LRMDA: variants seen among roughly 807,000 people sequenced by gnomAD.
LRMDA encodes the protein leucine-rich melanocyte differentiation-associated protein.
In LRMDA, 18 loss-of-function variants were observed where a neutral mutation model predicts 29.8. The observed-to-expected ratio is 0.60, with a 90% CI of 0.42 to 0.90. The LOEUF is 0.90. LRMDA is among the 40% of genes least tolerant of loss of function. The pLI, the probability that LRMDA is intolerant of heterozygous loss-of-function variation, is 0.00. For synonymous variants in LRMDA, 125 were observed against 109.4 expected (o/e 1.14, Z -0.89); for missense variants, 273 against 273.9 (o/e 1.00, Z 0.02).
chr10:75,992,640 T>C (rs951278567), intron 2 of LRMDA, among the ~76,000 whole-genome samples: 6 of 152,272 alleles, frequency 3.9e-5, no homozygotes, highest in African/African-American at 4.8e-5. Context: ...AGGGACAACC[T>C]TTCCCCCTAA....
intron 6 of LRMDA, among the ~76,000 whole-genome samples, chr10:76,542,271 A>T (rs1293869019): frequency 6.6e-6 from 1 of 152,178 alleles, no homozygotes; most frequent in Non-Finnish European, 1.5e-5. Context: ...TATAGCTTTT[A>T]TATTTTATGT....
chr10:75,905,133 G>A (rs1246709351), intron 2 of LRMDA, among the ~76,000 whole-genome samples: 2 of 152,052 alleles, frequency 1.3e-5, no homozygotes, highest in East Asian at 1.9e-4. Context: ...TGTTTTACTC[G>A]GCTATCTGAT....
chr10:76,031,138 G>T (rs1474542540), intron 2 of LRMDA, among the ~76,000 whole-genome samples: 2 of 152,234 alleles, frequency 1.3e-5, no homozygotes, highest in Non-Finnish European at 2.9e-5. Context: ...CTGGGCTGTA[G>T]TGGGCATTGG....
intron 5 of LRMDA, among the ~76,000 whole-genome samples, chr10:76,275,789 T>C (rs1840123867): frequency 6.6e-6 from 1 of 152,162 alleles, no homozygotes; most frequent in Non-Finnish European, 1.5e-5. Flanking sequence ...CAGTATTTCT[T>C]TAAATACTTT....
rs529893152 is a variant in LRMDA at position 75,683,752 on chromosome 10, T to C, written c.131+245258T>C. Among the ~76,000 whole-genome samples, 407 of 152,346 alleles carry C rather than the reference T, an allele frequency of 2.7e-3. 1 individual carries two copies. The highest frequency in any genetic ancestry group is 4.7e-3 in the Non-Finnish European group (317 of 68,042). On this transcript the variant is annotated intron_variant, in intron 2 of 6. Transcript: ENST00000611255. ...TGGAGGAGATCTGCTCTGGATAGCC[T>C]TGGCTTGGCAAAGAGACTTAAGCAG...
intron 6 of LRMDA, among the ~76,000 whole-genome samples, chr10:76,402,889 T>A (rs972265959): frequency 6.6e-6 from 1 of 152,100 alleles, no homozygotes; most frequent in African/African-American, 2.4e-5. Context: ...CTTACAAGGA[T>A]GTAAATAATC....
At chr10:75,876,958 A>G (rs962177949) in intron 2 of LRMDA, among the ~76,000 whole-genome samples, 1 of 152,156 alleles carries the variant, frequency 6.6e-6, no homozygotes. Flanking sequence ...TGCTTTTCTA[A>G]CAAGTTCCTA....
intron 6 of LRMDA, among the ~76,000 whole-genome samples, chr10:76,527,453 A>G (rs147732737): frequency 3.8e-4 from 58 of 151,994 alleles, no homozygotes; most frequent in African/African-American, 1.3e-3. Flanking sequence ...CAGGGACATG[A>G]TTTTTTTTCC....
At chr10:76,187,689 T>C (rs1332176061) in intron 5 of LRMDA, among the ~76,000 whole-genome samples, 2 of 151,928 alleles carry the variant, frequency 1.3e-5, no homozygotes, top group Non-Finnish European at 2.9e-5. Flanking sequence ...GGGACAGAGG[T>C]AAGGAAGGGA....
intron 2 of LRMDA, among the ~76,000 whole-genome samples, chr10:75,961,995 C>A (rs983510431): frequency 6.6e-6 from 1 of 152,098 alleles, no homozygotes. Flanking sequence ...GGCATCTCCC[C>A]GTGTGCATGT....
Position 75,720,914 on chromosome 10 carries a change from T to C in LRMDA, c.131+282420T>C, listed in dbSNP as rs541542786. On this transcript the variant is annotated intron_variant, in intron 2 of 6. Transcript: ENST00000611255. ...GGGAAGCAAGCATGAGAACCCATGATGGGAAGTCATTCCTGGGTAGGGGTT... is the reference window on the plus strand; with the variant it reads ...GGGAAGCAAGCATGAGAACCCATGACGGGAAGTCATTCCTGGGTAGGGGTT... Among the ~76,000 whole-genome samples the C allele has an allele frequency of 1.1e-4, 17 of 152,312 alleles. No homozygotes were observed. The South Asian group carries it at 3.5e-3, about 32-fold the overall frequency.
At chr10:75,969,688 G>A (rs1229950226) in intron 2 of LRMDA, among the ~76,000 whole-genome samples, 3 of 152,206 alleles carry the variant, frequency 2.0e-5, no homozygotes, top group African/African-American at 7.2e-5. Flanking sequence ...CTGAAAGAAG[G>A]ATGATGCCTT....
intron 4 of LRMDA, among the ~76,000 whole-genome samples, chr10:76,050,046 A>T (rs775910632): frequency 3.9e-5 from 6 of 152,222 alleles, no homozygotes; most frequent in Non-Finnish European, 8.8e-5. Context: ...TCTGAAAAAA[A>T]TTCTTATTGA....
chr10:76,485,191 T>A (rs545247867), intron 6 of LRMDA, among the ~76,000 whole-genome samples: 8 of 152,048 alleles, frequency 5.3e-5, no homozygotes, highest in Admixed American at 2.6e-4. Flanking sequence ...TTCCACTTAT[T>A]GAACTTGTTC....
At chr10:75,536,280 G>C (rs1428956690) in intron 2 of LRMDA, among the ~76,000 whole-genome samples, 1 of 152,058 alleles carries the variant, frequency 6.6e-6, no homozygotes, top group Non-Finnish European at 1.5e-5. Flanking sequence ...ATTCCATACT[G>C]CTCTACACAA....
At chr10:76,257,186 A>G (rs1852611136) in intron 5 of LRMDA, among the ~76,000 whole-genome samples, 1 of 152,136 alleles carries the variant, frequency 6.6e-6, no homozygotes. Flanking sequence ...ATTGTTAATT[A>G]TTTCAAAACA....
intron 2 of LRMDA, among the ~76,000 whole-genome samples, chr10:75,681,142 T>G (rs1440716344): frequency 1.3e-5 from 2 of 152,218 alleles, no homozygotes; most frequent in Non-Finnish European, 2.9e-5. Context: ...ATTATTGATT[T>G]GAGTCATACT....
intron 2 of LRMDA, among the ~76,000 whole-genome samples, chr10:75,880,324 AG>A (rs1196748710): frequency 6.6e-6 from 1 of 152,240 alleles, no homozygotes; most frequent in Non-Finnish European, 1.5e-5. Context: ...AGGTAGTAAA[AG>A]GAGGTGATAT....
chr10:75,537,038 C>T (rs1302321089), intron 2 of LRMDA, among the ~76,000 whole-genome samples: 2 of 152,170 alleles, frequency 1.3e-5, no homozygotes, highest in African/African-American at 4.8e-5. Context: ...CACAGATGCT[C>T]TGGTATTTCA....
Sources: allele counts gnomAD v4.1 joint callset (sites outside exome capture counted in the v4.1 genomes callset), GRCh38; gene constraint gnomAD v4.1.1; transcripts MANE v1.5; gene names NCBI Gene and HGNC (gene_info 2026-07-23, HGNC 2026-07-21).